Variants in BIRC6 observed in about 807,000 individuals in gnomAD.
BIRC6 encodes the protein dual E2 ubiquitin-conjugating enzyme/E3 ubiquitin-protein ligase BIRC6.
In BIRC6, 98 loss-of-function variants were observed where a neutral mutation model predicts 503.3. That is an observed-to-expected ratio of 0.19 (90% confidence interval 0.17 to 0.23). BIRC6 has a LOEUF of 0.23. Ranked by LOEUF, BIRC6 falls within the 10% of genes least tolerant of loss-of-function variation. The probability of loss-of-function intolerance (pLI) is 1.00; values close to 1 mark genes in which losing one functional copy is unlikely to be tolerated. For synonymous variants in BIRC6, 2,240 were observed against 2,078.7 expected (o/e 1.08, Z -2.11); for missense variants, 5,360 against 5,806.0 (o/e 0.92, Z 2.50).
At chr2:32,610,593 G>A (rs1217851102) in intron 72 of BIRC6, among the ~76,000 whole-genome samples, 1 of 152,098 alleles carries the variant, frequency 6.6e-6, no homozygotes, top group Non-Finnish European at 1.5e-5. Context: ...TTTCTCTGTT[G>A]TCAATACTTT....
chr2:32,575,175 T>C lies in BIRC6; in HGVS notation c.13164T>C (p.His4388=), dbSNP rs151053864. Reference sequence around the variant, plus strand: ...TTATAGTTCTGGACATGGCAAGACATGTGCCACTCTATCGGGCACTGCTGG... The same window carrying C: ...TTATAGTTCTGGACATGGCAAGACACGTGCCACTCTATCGGGCACTGCTGG... The part of the protein sequence containing the change: ...RNDSVLDMAR[H]VPLYRALLEL... Residue 4388 remains histidine (H), a synonymous_variant, in exon 66 of 74, where the codon CAT becomes CAC. Transcript: ENST00000421745. 1,042 of 1,613,910 alleles carry C rather than the reference T, an allele frequency of 6.5e-4. 1 individual carries two copies. Among genetic ancestry groups the C allele is most frequent in the Non-Finnish European group, 8.1e-4 (960 of 1,179,894 alleles).
chr2:32,427,477 G>T (rs974928314), intron 10 of BIRC6, among the ~76,000 whole-genome samples: 11 of 151,976 alleles, frequency 7.2e-5, no homozygotes, highest in African/African-American at 2.4e-4. Context: ...GTAGAGATGG[G>T]GTTTCACCAT....
chr2:32,586,150 G>A (rs2061004528), intron 66 of BIRC6, among the ~76,000 whole-genome samples: 1 of 151,662 alleles, frequency 6.6e-6, no homozygotes, highest in African/African-American at 2.4e-5. Context: ...TTGATCATTA[G>A]GATTCACGCT....
chr2:32,393,801 G>GT (rs2039538855), intron 5 of BIRC6, among the ~76,000 whole-genome samples: 2 of 152,204 alleles, frequency 1.3e-5, no homozygotes, highest in Admixed American at 6.5e-5. Flanking sequence ...GATTACAGGT[G>GT]TAAGCCACTG....
At chr2:32,580,259 A>C (rs904781670) in intron 66 of BIRC6, among the ~76,000 whole-genome samples, 1 of 152,100 alleles carries the variant, frequency 6.6e-6, no homozygotes, top group Admixed American at 6.6e-5. Context: ...CGCTGGGCCA[A>C]CCTGGCAGTT....
At chr2:32,476,879 C>G (rs2049824684) in intron 34 of BIRC6, among the ~76,000 whole-genome samples, 1 of 152,062 alleles carries the variant, frequency 6.6e-6, no homozygotes. Flanking sequence ...GTTTTAAAAC[C>G]TTGGTGTTTA....
At chr2:32,396,081 G>A (rs948378690) in intron 6 of BIRC6, among the ~76,000 whole-genome samples, 3 of 151,924 alleles carry the variant, frequency 2.0e-5, no homozygotes, top group South Asian at 2.1e-4. Flanking sequence ...ACTATTCTGA[G>A]GTCTTATTAA....
At chr2:32,560,200 TGAA>T (rs1412947324) in intron 65 of BIRC6, among the ~76,000 whole-genome samples, 3 of 152,204 alleles carry the variant, frequency 2.0e-5, no homozygotes, top group Admixed American at 6.5e-5. Flanking sequence ...TAGTTTAAAA[TGAA>T]GAAATTTGAT....
intron 1 of BIRC6, among the ~76,000 whole-genome samples, chr2:32,358,586 G>C (rs139375153): frequency 3.3e-5 from 5 of 152,242 alleles, no homozygotes; most frequent in African/African-American, 1.2e-4. Context: ...GTTTAGCCAA[G>C]TGGAAGTAGT....
At chr2:32,575,440 T>A in intron 66 of BIRC6, 74 bp downstream of exon 66, 1 of 1,384,980 alleles carries the variant, frequency 7.2e-7, no homozygotes, top group Non-Finnish European at 1.0e-6. Context: ...TGGGTGTTTT[T>A]GTTTTTCAGT....
At chr2:32,377,211 A>ATGTGTGTG (rs1288542523) in intron 1 of BIRC6, among the ~76,000 whole-genome samples, 33 of 138,326 alleles carry the variant, frequency 2.4e-4, no homozygotes, top group Admixed American at 1.1e-3. Flanking sequence ...CCCTTAATAT[A>ATGTGTGTG]TATGTGTGTG....
chr2:32,599,015 C>G (rs1452571146), intron 69 of BIRC6, among the ~76,000 whole-genome samples: 3 of 98,766 alleles, frequency 3.0e-5, no homozygotes, highest in Admixed American at 1.3e-4. Flanking sequence ...GAGTGAAACT[C>G]CATCTCAAAA....
At chr2:32,608,805 G>T (rs1323834518) in intron 72 of BIRC6, among the ~76,000 whole-genome samples, 1 of 152,108 alleles carries the variant, frequency 6.6e-6, no homozygotes, top group African/African-American at 2.4e-5. Context: ...TTTTATTGAA[G>T]ATGGTTTCTA....
At position 32,545,862 on chromosome 2, in the gene BIRC6, T is replaced by C; in HGVS notation, c.12810+2T>C. The C allele has an allele frequency of 6.2e-7, 1 of 1,608,978 alleles. No homozygotes were observed. Among genetic ancestry groups the C allele is most frequent in the Non-Finnish European group, 8.5e-7 (1 of 1,175,476 alleles). On this transcript the variant is annotated splice_donor_variant, in intron 63 of 73. Transcript: ENST00000421745. LOFTEE classifies it high-confidence loss of function. ...AACTCTAGCGTGAATCAAACTGAGG[T>C]AGGTTCACTTTTAATTATTTCAGTT...
At chr2:32,496,411 A>G (rs559963969) in intron 45 of BIRC6, among the ~76,000 whole-genome samples, 3 of 152,030 alleles carry the variant, frequency 2.0e-5, no homozygotes, top group South Asian at 4.2e-4. Context: ...TTCAGTAGAG[A>G]TGGGGTTTTG....
At chr2:32,534,389 AAAG>A (rs2057031667) in intron 61 of BIRC6, among the ~76,000 whole-genome samples, 1 of 151,254 alleles carries the variant, frequency 6.6e-6, no homozygotes, top group African/African-American at 2.4e-5. Context: ...AAAAAAAAAA[AAAG>A]AGACACTGCA....
intron 3 of BIRC6, 62 bp downstream of exon 3, chr2:32,380,352 G>T: frequency 6.8e-7 from 1 of 1,481,076 alleles, no homozygotes; most frequent in Non-Finnish European, 8.9e-7. Context: ...CCATTCTTTT[G>T]CACTTTCCTT....
intron 1 of BIRC6, among the ~76,000 whole-genome samples, chr2:32,372,793 A>G (rs552378728): frequency 1.3e-5 from 2 of 152,278 alleles, no homozygotes; most frequent in African/African-American, 4.8e-5. Flanking sequence ...TTTCGCCACT[A>G]TATTCCAGCC....
At chr2:32,483,508 A>G (rs2050649311) in intron 39 of BIRC6, among the ~76,000 whole-genome samples, 1 of 152,212 alleles carries the variant, frequency 6.6e-6, no homozygotes, top group Admixed American at 6.5e-5. Context: ...AAATCAGGAA[A>G]TTAACGTTAC....
Sources: allele counts gnomAD v4.1 joint callset (sites outside exome capture counted in the v4.1 genomes callset), GRCh38; gene constraint gnomAD v4.1.1; transcripts MANE v1.5; gene names NCBI Gene and HGNC (gene_info 2026-07-23, HGNC 2026-07-21).